Variants in CRTAM observed in about 807,000 individuals in gnomAD.
CRTAM encodes the protein cytotoxic and regulatory T cell molecule.
In CRTAM, 44 loss-of-function variants were observed where a neutral mutation model predicts 50.0. The observed-to-expected ratio is 0.88, with a 90% CI of 0.69 to 1.13. CRTAM has a LOEUF of 1.13. CRTAM is among the 50% of genes most tolerant of loss of function. The probability of loss-of-function intolerance (pLI) is 0.00; values close to 1 mark genes in which losing one functional copy is unlikely to be tolerated. For synonymous variants in CRTAM, 159 were observed against 169.3 expected, an observed-to-expected ratio of 0.94 and a Z score of 0.47; for missense variants, 448 against 457.5, an observed-to-expected ratio of 0.98 and a Z score of 0.19.
intron 5 of CRTAM, among the ~76,000 whole-genome samples, chr11:122,861,632 G>A (rs568129610): frequency 5.3e-4 from 80 of 151,020 alleles, no homozygotes; most frequent in African/African-American, 1.9e-3. Context: ...GTAGAGATGG[G>A]GTTTCACCAT....
At chr11:122,862,632 T>A in intron 6 of CRTAM, 88 bp downstream of exon 6, 1 of 913,074 alleles carries the variant, frequency 1.1e-6, no homozygotes, top group Non-Finnish European at 1.7e-6. Context: ...TTAAGAATAT[T>A]TTTTGTTTTA....
At chr11:122,838,799 T>C (rs1861763229) in intron 1 of CRTAM, among the ~76,000 whole-genome samples, 2 of 152,160 alleles carry the variant, frequency 1.3e-5, no homozygotes, top group African/African-American at 4.8e-5. Context: ...CTAAGGAGTA[T>C]AGAAAGGATC....
intron 6 of CRTAM, among the ~76,000 whole-genome samples, chr11:122,863,759 G>A (rs533167533): frequency 3.9e-4 from 60 of 152,162 alleles, no homozygotes; most frequent in Non-Finnish European, 7.6e-4. Context: ...TTGCTACTGA[G>A]CAACTCAATT....
intron 5 of CRTAM, among the ~76,000 whole-genome samples, chr11:122,860,071 G>A (rs1020081211): frequency 6.6e-6 from 1 of 152,136 alleles, no homozygotes; most frequent in African/African-American, 2.4e-5. Context: ...TTTTGAGATG[G>A]AGTCTTGCTC....
intron 9 of CRTAM, among the ~76,000 whole-genome samples, chr11:122,868,693 A>G (rs1862214502): frequency 6.6e-6 from 1 of 152,168 alleles, no homozygotes; most frequent in African/African-American, 2.4e-5. Flanking sequence ...AAAATTAACC[A>G]TCGCAATTAA....
intron 7 of CRTAM, 119 bp downstream of exon 7, chr11:122,864,838 T>G (rs939112861): frequency 2.8e-6 from 2 of 702,450 alleles, no homozygotes; most frequent in African/African-American, 3.6e-5. Context: ...TAGGACATGA[T>G]TGGTTAATCA....
chr11:122,845,208 G>A (rs1016423299), intron 1 of CRTAM, among the ~76,000 whole-genome samples: 4 of 152,100 alleles, frequency 2.6e-5, no homozygotes, highest in African/African-American at 9.7e-5. Context: ...TGATTTAAGG[G>A]GCAGAGAGTG....
At chr11:122,867,803 T>A (rs1433333651) in intron 8 of CRTAM, among the ~76,000 whole-genome samples, 1 of 152,178 alleles carries the variant, frequency 6.6e-6, no homozygotes, top group African/African-American at 2.4e-5. Flanking sequence ...GATAGACACT[T>A]CTATTCACAG....
chr11:122,841,689 C>T (rs949917439), intron 1 of CRTAM, among the ~76,000 whole-genome samples: 18 of 152,124 alleles, frequency 1.2e-4, no homozygotes, highest in African/African-American at 3.6e-4. Flanking sequence ...TGTGAGCCAC[C>T]GAGCCCGGCC....
chr11:122,856,315 T>G (rs1336814531), intron 5 of CRTAM, among the ~76,000 whole-genome samples: 1 of 152,228 alleles, frequency 6.6e-6, no homozygotes, highest in African/African-American at 2.4e-5. Context: ...ATTGTTATAA[T>G]TGCTTTGAAG....
At chr11:122,854,865 C>T (rs555495173) in intron 4 of CRTAM, among the ~76,000 whole-genome samples, 74 of 152,128 alleles carry the variant, frequency 4.9e-4, no homozygotes, top group African/African-American at 1.7e-3. Context: ...GCCTTTGAAA[C>T]AGAATAACTA....
At chr11:122,854,389 C>T (rs1466646915) in intron 4 of CRTAM, among the ~76,000 whole-genome samples, 1 of 152,140 alleles carries the variant, frequency 6.6e-6, no homozygotes, top group Non-Finnish European at 1.5e-5. Flanking sequence ...TATAATATCT[C>T]AGGCGAGGCA....
chr11:122,853,793 G>C, intron 3 of CRTAM, 150 bp from the exon 4 acceptor site: 1 of 622,190 alleles, frequency 1.6e-6, no homozygotes. Context: ...ACTCCAGCCT[G>C]GGCGACGGAG....
At chr11:122,859,788 C>G (rs1862050031) in intron 5 of CRTAM, among the ~76,000 whole-genome samples, 1 of 152,216 alleles carries the variant, frequency 6.6e-6, no homozygotes, top group African/African-American at 2.4e-5. Flanking sequence ...TTAAAACCCA[C>G]TGAACTGTCT....
rs140944334 is a variant in CRTAM at position 122,852,286 on chromosome 11, T to C, written c.346+441T>C. ...AAGATAGAATGAATTCAGATGTAGCTGCACTGCTTGATCTGCTCAAATCCT... is the reference window on the plus strand; with the variant it reads ...AAGATAGAATGAATTCAGATGTAGCCGCACTGCTTGATCTGCTCAAATCCT... On this transcript the variant is annotated intron_variant, in intron 3 of 9. Transcript: ENST00000227348. Among the ~76,000 whole-genome samples the C allele has an allele frequency of 1.5e-3, 235 of 152,294 alleles. 2 individuals are homozygous for C. Among genetic ancestry groups the C allele is most frequent in the African/African-American group, 5.3e-3 (221 of 41,566 alleles).
chr11:122,851,835 G>C lies in CRTAM; in HGVS notation c.336G>C (p.Val112=), dbSNP rs770449825. ...CTGTAAGCACAAAGGAAGTGAAAGT[G>C]ATTGTGCTGGGTAGGTACCTGCAAG... ...SDSVSTKEVK[V]IVLATPFKPI... The change falls in exon 3 of 10, where the codon GTG becomes GTC. Residue 112 remains valine (V), a synonymous_variant. Coordinates refer to ENST00000227348, the MANE Select transcript of CRTAM (RefSeq NM_019604.4). The C allele has an allele frequency of 1.6e-5, 26 of 1,614,172 alleles. No individual in the cohort carries two copies. Among genetic ancestry groups the C allele is most frequent in the Non-Finnish European group, 2.2e-5 (26 of 1,180,010 alleles).
chr11:122,865,454 T>C lies in CRTAM; in HGVS notation c.817+735T>C, dbSNP rs140206845. On this transcript the variant is annotated intron_variant, in intron 7 of 9. Transcript: ENST00000227348. ...GTTTTGTTTTTAGAGACAGGGTCTC[T>C]CTCTGTCTCCCAGGCCAGGGTGCAG... 5.9e-5 allele frequency among the ~76,000 whole-genome samples: 9 copies of C among 152,132 alleles called. No homozygotes were observed. The East Asian group carries it at 1.7e-3, about 29-fold the overall frequency.
At chr11:122,851,629 G>A (rs879010533) in intron 2 of CRTAM, 64 bp from the exon 3 acceptor site, 22 of 1,469,026 alleles carry the variant, frequency 1.5e-5, no homozygotes, top group Non-Finnish European at 2.1e-5. Context: ...GGCATCTACT[G>A]GGTAGAGGCC....
chr11:122,849,992 A>G, intron 1 of CRTAM, 76 bp from the exon 2 acceptor site: 1 of 1,380,214 alleles, frequency 7.2e-7, no homozygotes, highest in South Asian at 1.8e-5. Flanking sequence ...TACATGATTG[A>G]ATGAATGAAC....
Sources: allele counts gnomAD v4.1 joint callset (sites outside exome capture counted in the v4.1 genomes callset), GRCh38; gene constraint gnomAD v4.1.1; transcripts MANE v1.5; gene names NCBI Gene and HGNC (gene_info 2026-07-23, HGNC 2026-07-21).